Variants in RAB11FIP3 observed in about 807,000 individuals in gnomAD.
The protein encoded by RAB11FIP3 is RAB11 family interacting protein 3, also known as rab11 family-interacting protein 3.
A neutral mutation model predicts 77.8 loss-of-function variants in RAB11FIP3; 17 were observed. That is an observed-to-expected ratio of 0.22 (90% CI 0.15 to 0.33). The LOEUF is 0.33. Ranked by LOEUF, RAB11FIP3 falls within the 10% of genes least tolerant of loss-of-function variation. RAB11FIP3 has a pLI of 1.00. For synonymous variants in RAB11FIP3, 437 were observed against 448.2 expected, an observed-to-expected ratio of 0.98 and a Z score of 0.31; for missense variants, 1,005 against 1,011.2, an observed-to-expected ratio of 0.99 and a Z score of 0.08.
chr16:502,712 G>T (rs144998534), intron 6 of RAB11FIP3: 4 of 486,950 alleles, frequency 8.2e-6, no homozygotes, highest in Non-Finnish European at 1.1e-5. Flanking sequence ...TCTGCCACTC[G>T]CTGGCTGGGA....
chr16:482,702 C>G lies in RAB11FIP3; in HGVS notation c.1081C>G (p.Pro361Ala), dbSNP rs780632087. The change falls in exon 4 of 14, where the codon CCC becomes GCC. Residue 361 changes from proline (P) to alanine (A), a missense_variant. By Grantham distance (27) the Pro-to-Ala change is conservative (BLOSUM62 -1). Coordinates refer to ENST00000262305, the MANE Select transcript of RAB11FIP3 (RefSeq NM_014700.4). ...TGAGTGCCTGGACGCCATGGAGGAG[C>G]CCGACCATGGTGCCCTGCTGCTGCT... ...PSECLDAMEEPDHGALLLLPG... is the reference protein window; with the variant it reads ...PSECLDAMEEADHGALLLLPG... The G allele has an allele frequency of 6.2e-7, 1 of 1,610,496 alleles. No homozygotes were observed. The highest frequency in any genetic ancestry group is 8.5e-7 in the Non-Finnish European group (1 of 1,179,254).
At chr16:462,911 A>G (rs1445917588) in intron 2 of RAB11FIP3, among the ~76,000 whole-genome samples, 2 of 151,618 alleles carry the variant, frequency 1.3e-5, no homozygotes, top group Non-Finnish European at 2.9e-5. Context: ...CCCCAGCACC[A>G]TCCCTTTCCC....
intron 4 of RAB11FIP3, among the ~76,000 whole-genome samples, chr16:488,245 T>C (rs1026322482): frequency 6.6e-6 from 1 of 151,978 alleles, no homozygotes; most frequent in Non-Finnish European, 1.5e-5. Context: ...CCGGGCGTGG[T>C]GGCGGGCGCC....
chr16:467,685 G>A (rs1234118864), intron 2 of RAB11FIP3, among the ~76,000 whole-genome samples: 1 of 94,830 alleles, frequency 1.1e-5, no homozygotes, highest in Non-Finnish European at 2.3e-5. Context: ...GGGGCGTCAG[G>A]GAGGAGGTGC....
Position 519,844 on chromosome 16 carries a change from A to C in RAB11FIP3, c.1813A>C (p.Ser605Arg), listed in dbSNP as rs572983461. Reference protein sequence around the residue: ...ENKRRMGDRLSHERHQFQRDK... With the variant: ...ENKRRMGDRLRHERHQFQRDK... The stretch of plus-strand genomic sequence containing the variant: ...CAAGAGGAGAATGGGGGACAGGCTG[A>C]GTCACGAGAGGCACCAGTTCCAGAG... Residue 605 changes from serine (S) to arginine (R), a missense_variant, in exon 11 of 14, where the codon AGT becomes CGT. Around this residue, in one of 4 missense-constraint regions of RAB11FIP3, gnomAD observed 433 missense variants for 436.1 expected, o/e 0.99. Coordinates refer to ENST00000262305, the MANE Select transcript of RAB11FIP3 (RefSeq NM_014700.4). The C allele has an allele frequency of 1.2e-5, 20 of 1,600,986 alleles. No homozygotes were observed. Among genetic ancestry groups the C allele is most frequent in the Non-Finnish European group, 1.5e-5 (18 of 1,174,136 alleles).
intron 5 of RAB11FIP3, among the ~76,000 whole-genome samples, chr16:494,180 C>G (rs2030891951): frequency 6.7e-6 from 1 of 149,358 alleles, no homozygotes; most frequent in Non-Finnish European, 1.5e-5. Context: ...TGAGCCACCG[C>G]ACCTGGCCAC....
intron 9 of RAB11FIP3, among the ~76,000 whole-genome samples, chr16:513,429 G>T (rs1199308287): frequency 6.6e-6 from 1 of 152,146 alleles, no homozygotes; most frequent in African/African-American, 2.4e-5. Flanking sequence ...GTGTTGCCCA[G>T]GCTGGTCTTG....
chr16:462,783 C>G (rs2055635248), intron 2 of RAB11FIP3, among the ~76,000 whole-genome samples: 1 of 150,628 alleles, frequency 6.6e-6, no homozygotes. Context: ...CCGTCCCTTC[C>G]CCAGCACCAT....
chr16:431,241 T>C (rs1004080281), intron 1 of RAB11FIP3, among the ~76,000 whole-genome samples: 5 of 152,112 alleles, frequency 3.3e-5, no homozygotes, highest in Admixed American at 6.6e-5. Context: ...AGCAGGTGAG[T>C]GTATGTATTC....
rs563439869 is a variant in RAB11FIP3, at chr16:519,351, T to C, written c.1722+327T>C. On this transcript the variant is annotated intron_variant, in intron 10 of 13. Coordinates refer to ENST00000262305, the MANE Select transcript of RAB11FIP3 (RefSeq NM_014700.4). ...CACATGGGGCTCCCACACCCCAGCT[T>C]GTCACTGCGAGACCTCCCTGCCCCC... Among the ~76,000 whole-genome samples, 328 of 152,306 alleles carry C rather than the reference T, an allele frequency of 2.2e-3. 5 individuals carry two copies. Among genetic ancestry groups the C allele is most frequent in the African/African-American group, 7.6e-3 (315 of 41,574 alleles).
At chr16:465,369 G>A (rs1045793099) in intron 2 of RAB11FIP3, among the ~76,000 whole-genome samples, 11 of 152,154 alleles carry the variant, frequency 7.2e-5, no homozygotes, top group African/African-American at 1.9e-4. Context: ...AGTGGAATAA[G>A]ACAGCCTGTA....
At position 520,887 on chromosome 16, in the gene RAB11FIP3, G is replaced by A; in HGVS notation, c.*48G>A. ...CTGGATTCGGGACTCCAACACCCTG[G>A]AGTGGTTCCGTCAGACCATGAGGAG... On this transcript the variant is annotated 3_prime_UTR_variant, in exon 14 of 14. Transcript: ENST00000262305. 2 of 1,494,250 alleles carry A rather than the reference G, an allele frequency of 1.3e-6. No homozygotes were observed. The highest frequency in any genetic ancestry group is 1.9e-6 in the Non-Finnish European group (2 of 1,072,224). 92.6% of individuals were successfully genotyped at this position (1,494,250 alleles called of 1,614,324 possible).
In RAB11FIP3 at chr16:439,910, C is replaced by T. The variant is rs568249437; in HGVS notation, c.714+13190C>T. 2.0e-5 allele frequency among the ~76,000 whole-genome samples: 3 copies of T among 151,350 alleles called. No homozygotes were observed. The East Asian group carries it at 5.9e-4, about 30-fold the overall frequency. On this transcript the variant is annotated intron_variant, in intron 1 of 13. Coordinates refer to ENST00000262305, the MANE Select transcript of RAB11FIP3 (RefSeq NM_014700.4). ...CCCAGCTGGAGTGTGGTGGTGCAATCGCGGATCAGTGCACCCTCTGCCTCC... is the reference window on the plus strand; with the variant it reads ...CCCAGCTGGAGTGTGGTGGTGCAATTGCGGATCAGTGCACCCTCTGCCTCC...
At chr16:436,998 G>A (rs2055140633) in intron 1 of RAB11FIP3, among the ~76,000 whole-genome samples, 1 of 152,076 alleles carries the variant, frequency 6.6e-6, no homozygotes, top group South Asian at 2.1e-4. Flanking sequence ...AGGAGGAGTC[G>A]GGTGCAGTGG....
intron 1 of RAB11FIP3, among the ~76,000 whole-genome samples, chr16:440,863 G>A (rs1251452802): frequency 6.6e-6 from 1 of 152,168 alleles, no homozygotes; most frequent in Non-Finnish European, 1.5e-5. Flanking sequence ...GCACAGGCCC[G>A]CCTGGCTGCC....
intron 1 of RAB11FIP3, among the ~76,000 whole-genome samples, chr16:449,313 A>AGAATTCAGCTCCTT (rs1363788615): frequency 6.6e-6 from 1 of 152,182 alleles, no homozygotes; most frequent in African/African-American, 2.4e-5. Flanking sequence ...GGTGCTCAGC[A>AGAATTCAGCTCCTT]GAATTCAGCT....
chr16:426,141 C>T lies in RAB11FIP3; in HGVS notation c.135C>T (p.Val45=), dbSNP rs980177768. 4 of 1,012,548 alleles carry T rather than the reference C, an allele frequency of 4.0e-6. No individual in the cohort carries two copies. The highest frequency in any genetic ancestry group is 1.2e-4 in the Admixed American group (2 of 16,866). 62.7% of individuals were successfully genotyped at this position (1,012,548 alleles called of 1,614,324 possible). The change falls in exon 1 of 14, where the codon GTC becomes GTT. Residue 45 remains valine (V), a synonymous_variant. Coordinates refer to ENST00000262305, the MANE Select transcript of RAB11FIP3 (RefSeq NM_014700.4). This position sits in a 1 kb window ranked among gnomAD's most constrained non-coding sequence, Gnocchi z 5.0. The stretch of plus-strand genomic sequence containing the variant: ...CGGAGCTACGCCTCGGAGCGCCCGT[C>T]GGCGGCCCCGACCCGCAGTCCCCGG... ...GPAELRLGAP[V]GGPDPQSPGL... is the part of the protein sequence containing the mutation.
intron 1 of RAB11FIP3, among the ~76,000 whole-genome samples, chr16:428,100 C>CAAA (rs10669000): frequency 0.12 from 16,933 of 143,584 alleles, 1,451 homozygotes; most frequent in African/African-American, 0.23. Context: ...GACTTCGTCT[C>CAAA]AAAAAAAAAA....
rs535222593 is a variant in RAB11FIP3 at position 480,815 on chromosome 16, AT to A, written c.904-1698del. 2.4e-4 allele frequency among the ~76,000 whole-genome samples: 14 copies of A among 58,928 alleles called. 1 individual carries two copies. Among genetic ancestry groups the A allele is most frequent in the South Asian group, 6.0e-4 (1 of 1,676 alleles). 38.7% of individuals were successfully genotyped at this position (58,928 alleles called of 152,430 possible). On this transcript the variant is annotated intron_variant, in intron 3 of 13. Transcript: ENST00000262305. ...GCCCGGCCTGTATTTATTTATTTTA[AT>A]TTTTTTTTTTTCAGACAGAGTTTTG... is the stretch of plus-strand genomic sequence containing the variant.
Sources: allele counts gnomAD v4.1 joint callset (sites outside exome capture counted in the v4.1 genomes callset), GRCh38; gene constraint gnomAD v4.1.1; regional missense constraint gnomAD v4.1.1; non-coding constraint Gnocchi (gnomAD v3.1); transcripts MANE v1.5; gene names NCBI Gene and HGNC (gene_info 2026-07-23, HGNC 2026-07-21).